Variants in IFT122 observed in about 807,000 individuals in gnomAD.
IFT122 encodes the protein intraflagellar transport protein 122 homolog.
Under a neutral mutation model 161.6 loss-of-function variants are expected in IFT122, and 118 were observed. The ratio of observed to expected loss-of-function variants is 0.73; its 90% confidence interval spans 0.63 to 0.85. The LOEUF (loss-of-function observed/expected upper bound fraction) is 0.85. Among genes scored for constraint, IFT122 ranks in the 40% least tolerant of loss-of-function variants. IFT122 has a pLI of 0.00. For synonymous variants in IFT122, 550 were observed against 602.4 expected (o/e 0.91, Z 1.27); for missense variants, 1,381 against 1,579.6 (o/e 0.87, Z 2.13).
rs752786740 is a variant in IFT122 at position 129,520,169 on chromosome 3, C to A, written c.3637-7C>A. 6.2e-7 allele frequency: 1 copy of A among 1,608,802 alleles called. No homozygotes were observed. Among genetic ancestry groups the A allele is most frequent in the South Asian group, 1.1e-5 (1 of 90,638 alleles). ...TTCAGCCTGGTCTTACAGCTGTCTT[C>A]CCTTAGATGTTCCATTCTGAGGACT... On this transcript the variant is annotated splice_polypyrimidine_tract_variant and splice_region_variant and intron_variant, in intron 29 of 29. Coordinates refer to ENST00000348417, the MANE Select transcript of IFT122 (RefSeq NM_052989.3).
intron 15 of IFT122, among the ~76,000 whole-genome samples, chr3:129,484,660 G>A (rs1285572548): frequency 6.6e-6 from 1 of 152,008 alleles, no homozygotes; most frequent in African/African-American, 2.4e-5. Context: ...CCTCACATTC[G>A]GTTATGGCAG....
chr3:129,447,480 C>T (rs1316829491), intron 1 of IFT122, among the ~76,000 whole-genome samples: 4 of 152,102 alleles, frequency 2.6e-5, no homozygotes, highest in Admixed American at 6.6e-5. Flanking sequence ...AGGAAGCCTT[C>T]GGGTACTAGG....
intron 3 of IFT122, among the ~76,000 whole-genome samples, chr3:129,453,290 T>C (rs1025809392): frequency 6.6e-6 from 1 of 152,112 alleles, no homozygotes; most frequent in Non-Finnish European, 1.5e-5. Flanking sequence ...ATTCCATTTT[T>C]TTTTTCTTCA....
intron 25 of IFT122, chr3:129,515,054 A>G (rs751097764): frequency 1.3e-5 from 5 of 370,858 alleles, no homozygotes; most frequent in Non-Finnish European, 2.6e-5. Flanking sequence ...CTGGGTTCAC[A>G]TCCCGGCTCC....
At chr3:129,509,649 G>A (rs888633405) in intron 23 of IFT122, among the ~76,000 whole-genome samples, 3 of 152,316 alleles carry the variant, frequency 2.0e-5, no homozygotes, top group East Asian at 3.9e-4. Context: ...AGAAATGCCC[G>A]TTGAAATGAT....
chr3:129,460,163 ACT>A (rs2108056724), intron 4 of IFT122, among the ~76,000 whole-genome samples: 1 of 152,052 alleles, frequency 6.6e-6, no homozygotes, highest in South Asian at 2.1e-4. Flanking sequence ...AATCTCCCAA[ACT>A]CTTTTATCCT....
Position 129,495,459 on chromosome 3 carries a change from G to A in IFT122, c.2060G>A (p.Arg687Gln), listed in dbSNP as rs61740161. 135,320 of 1,613,696 alleles carry A rather than the reference G, an allele frequency of 0.084. 5,995 individuals carry two copies. The highest frequency in any genetic ancestry group is 0.13 in the Middle Eastern group (762 of 6,060). The change falls in exon 18 of 30, where the codon CGG becomes CAG. Residue 687 changes from arginine (R) to glutamine (Q), a missense_variant. Arg to Gln is a conservative substitution (Grantham distance 43). Coordinates refer to ENST00000348417, the MANE Select transcript of IFT122 (RefSeq NM_052989.3). The stretch of plus-strand genomic sequence containing the variant: ...TAATTTTTCCAGGAGAGGAAGAAGC[G>A]GGGAGAGACCAACAATGACCTGTTT... ...LISSIEERKK[R>Q]GETNNDLFLA...
chr3:129,512,523 C>T, intron 24 of IFT122, 111 bp downstream of exon 24: 5 of 835,410 alleles, frequency 6.0e-6, no homozygotes, highest in South Asian at 5.4e-5. Flanking sequence ...CAGCAACCCT[C>T]AGGGAAGACA....
intron 12 of IFT122, among the ~76,000 whole-genome samples, chr3:129,479,009 A>T (rs150121048): frequency 0.019 from 2,843 of 152,298 alleles, 60 homozygotes; most frequent in Middle Eastern, 0.058. Flanking sequence ...AGAGAAGGCT[A>T]GCCCAGCATC....
At chr3:129,497,130 A>G (rs1264012544) in intron 18 of IFT122, among the ~76,000 whole-genome samples, 2 of 152,106 alleles carry the variant, frequency 1.3e-5, no homozygotes, top group African/African-American at 4.8e-5. Context: ...AAAATGCAAA[A>G]AATTAGCTGG....
At chr3:129,449,176 A>G (rs2074425962) in intron 1 of IFT122, among the ~76,000 whole-genome samples, 1 of 152,192 alleles carries the variant, frequency 6.6e-6, no homozygotes, top group Non-Finnish European at 1.5e-5. Flanking sequence ...CCTCCTTCGA[A>G]TCCTGTTTTC....
chr3:129,483,513 A>G lies in IFT122; in HGVS notation c.1682A>G (p.Asn561Ser), dbSNP rs1193529218. ...CCAAACGCCAACAGTGTAGCTTGGAACACCCAGTGTGAGGACATGCTCTGC... is the reference window on the plus strand; with the variant it reads ...CCAAACGCCAACAGTGTAGCTTGGAGCACCCAGTGTGAGGACATGCTCTGC... Reference protein sequence around the residue: ...QEPNANSVAWNTQCEDMLCFS... With the variant: ...QEPNANSVAWSTQCEDMLCFS... Residue 561 changes from asparagine (N) to serine (S), a missense_variant, in exon 15 of 30, where the codon AAC (asparagine) becomes AGC (serine). Asn to Ser is a conservative substitution (Grantham distance 46). Transcript: ENST00000348417. 2 of 1,613,974 alleles carry G rather than the reference A, an allele frequency of 1.2e-6. No homozygotes were observed. Among genetic ancestry groups the G allele is most frequent in the Non-Finnish European group, 1.7e-6 (2 of 1,179,990 alleles).
At position 129,506,413 on chromosome 3, in the gene IFT122, C is replaced by T; in HGVS notation, c.2655C>T (p.Phe885=). ...NDRFEEAQKA[F]HKAGRQREAV... The stretch of plus-strand genomic sequence containing the variant: ...CTCCCTCCACCACTCCTACAGCGTT[C>T]CACAAGGCTGGGCGACAGAGAGAAG... Residue 885 remains phenylalanine, a synonymous_variant, in exon 22 of 30, where the codon TTC becomes TTT. Coordinates refer to ENST00000348417, the MANE Select transcript of IFT122 (RefSeq NM_052989.3). 6.2e-7 allele frequency: 1 copy of T among 1,613,964 alleles called. No homozygotes were observed. The highest frequency in any genetic ancestry group is 8.5e-7 in the Non-Finnish European group (1 of 1,180,026).
At position 129,479,898 on chromosome 3, in the gene IFT122, C is replaced by T; in HGVS notation, c.1464C>T (p.Leu488=). The T allele has an allele frequency of 6.2e-7, 1 of 1,613,920 alleles. No individual in the cohort carries two copies. Among genetic ancestry groups the T allele is most frequent in the Non-Finnish European group, 8.5e-7 (1 of 1,179,994 alleles). Residue 488 remains leucine, a synonymous_variant, in exon 13 of 30, where the codon CTC becomes CTT. Transcript: ENST00000348417. The part of the protein sequence containing the change: ...VIGGPPGREG[L]LVGLKNGQIL... The stretch of plus-strand genomic sequence containing the variant: ...GTGGCCCTCCTGGAAGAGAAGGCCT[C>T]TTAGTGGGGCTGAAGAATGGACAGG...
Position 129,495,622 on chromosome 3 carries a change from C to T in IFT122, c.2208+15C>T. On this transcript the variant is annotated intron_variant, in intron 18 of 29. Coordinates refer to ENST00000348417, the MANE Select transcript of IFT122 (RefSeq NM_052989.3). ...AGTATGCCAAGGTAACCTACCCTGT[C>T]CCAGGCCCAAGCTCCAGCTTGGAGC... 6.2e-7 allele frequency: 1 copy of T among 1,614,090 alleles called. No individual in the cohort carries two copies. Among genetic ancestry groups the T allele is most frequent in the South Asian group, 1.1e-5 (1 of 91,068 alleles).
chr3:129,496,131 G>A (rs1475768301), intron 18 of IFT122, among the ~76,000 whole-genome samples: 1 of 152,140 alleles, frequency 6.6e-6, no homozygotes, highest in Non-Finnish European at 1.5e-5. Flanking sequence ...CATGCCTCAC[G>A]CCTGCCGGCT....
chr3:129,472,526 C>T (rs116382230), intron 9 of IFT122, among the ~76,000 whole-genome samples: 26 of 152,182 alleles, frequency 1.7e-4, no homozygotes, highest in African/African-American at 6.3e-4. Context: ...TTTAAGGTTC[C>T]TAAGCAATAT....
rs1553777762 is a variant in IFT122 at position 129,519,135 on chromosome 3, C to CA, written c.3422dup (p.Asp1142GlyfsTer6). 1.1e-5 allele frequency: 17 copies of CA among 1,614,076 alleles called. No individual in the cohort carries two copies. The highest frequency in any genetic ancestry group is 1.4e-5 in the Non-Finnish European group (17 of 1,179,998). ...CCCAGATTCTGCGGCTAGTGGAGACCAAGGACTCCATCGGAGATGAGGACC... is the reference window on the plus strand; with the variant it reads ...CCCAGATTCTGCGGCTAGTGGAGACCAAAGGACTCCATCGGAGATGAGGACC... On this transcript the variant is annotated frameshift_variant, in exon 28 of 30. Coordinates refer to ENST00000348417, the MANE Select transcript of IFT122 (RefSeq NM_052989.3). LOFTEE classifies it high-confidence loss of function.
At chr3:129,473,733 G>C (rs764681135) in intron 9 of IFT122, among the ~76,000 whole-genome samples, 1 of 152,196 alleles carries the variant, frequency 6.6e-6, no homozygotes, top group African/African-American at 2.4e-5. Context: ...TCCGGGTGCT[G>C]TGGTCCTCCC....
Sources: gnomAD v4.1 joint callset for allele counts (sites outside exome capture counted in the v4.1 genomes callset) on GRCh38, gnomAD v4.1.1 for gene constraint, MANE v1.5 for transcripts, NCBI Gene and HGNC (gene_info 2026-07-23, HGNC 2026-07-21) for gene names.